Variants in APOL6 observed in about 807,000 individuals in gnomAD.
APOL6 encodes the protein apolipoprotein L6, also known as apolipoprotein L, 6.
In APOL6, 1 loss-of-function variant was observed where a neutral mutation model predicts 2.4. That is an observed-to-expected ratio of 0.41 (90% CI 0.15 to 1.94). APOL6 has a LOEUF of 1.94. Ranked by LOEUF, APOL6 falls within the 30% of genes most tolerant of loss-of-function variation. The probability of loss-of-function intolerance (pLI) is 0.30; values close to 1 mark genes in which losing one functional copy is unlikely to be tolerated. For missense variants in APOL6, 438 were observed against 429.2 expected, an observed-to-expected ratio of 1.02 and a Z score of -0.18; for synonymous variants, 189 against 169.3, an observed-to-expected ratio of 1.12 and a Z score of -0.90.
chr22:35,650,233 GT>G (rs573500115), intron 1 of APOL6, among the ~76,000 whole-genome samples: 16 of 152,124 alleles, frequency 1.1e-4, no homozygotes, highest in Non-Finnish European at 2.4e-4. Flanking sequence ...AGGGGAGAAG[GT>G]TTTTATCTTT....
In APOL6 at chr22:35,668,234, C is replaced by A. The variant is rs946652347; in HGVS notation, c.*8638C>A. The A allele has an allele frequency of 6.6e-6, 1 of 152,110 alleles. No homozygotes were observed. The highest frequency in any genetic ancestry group is 1.5e-5 in the Non-Finnish European group (1 of 68,036). The allele number at this position is 152,110 out of a possible 1,614,324, so 9.4% of individuals were successfully genotyped here. A position where few individuals can be genotyped will look rare whatever the true frequency, so the allele number is the denominator to read the frequency against. On this transcript the variant is annotated 3_prime_UTR_variant, in exon 3 of 3. Coordinates refer to ENST00000409652, the MANE Select transcript of APOL6 (RefSeq NM_030641.4). ...CATCAAGTTGTTTTGCCTTTCTGGA[C>A]AGGACCAATGTATATCTTAAATGTA... is the stretch of plus-strand genomic sequence containing the variant.
Position 35,659,025 on chromosome 22 carries a change from G to A in APOL6, c.461G>A (p.Arg154Lys), listed in dbSNP as rs948862325. ...DILPTYDQED[R>K]EDEEEKADYV... ...CTGCCCACCTACGACCAAGAGGACA[G>A]GGAGGATGAGGAAGAGAAGGCAGAC... The change falls in exon 3 of 3, where the codon AGG becomes AAG. Residue 154 changes from arginine (R) to lysine (K), a missense_variant. Coordinates refer to ENST00000409652, the MANE Select transcript of APOL6 (RefSeq NM_030641.4). 6.2e-7 allele frequency: 1 copy of A among 1,613,946 alleles called. No individual in the cohort carries two copies. Among genetic ancestry groups the A allele is most frequent in the Admixed American group, 1.7e-5 (1 of 60,020 alleles).
rs907747272 is a variant in APOL6, at chr22:35,666,137, C to A, written c.*6541C>A. 3.9e-5 allele frequency: 6 copies of A among 152,124 alleles called. No homozygotes were observed. Among genetic ancestry groups the A allele is most frequent in the Non-Finnish European group, 7.3e-5 (5 of 68,034 alleles). 9.4% of individuals were successfully genotyped at this position (152,124 alleles called of 1,614,324 possible). A position where few individuals can be genotyped will look rare whatever the true frequency, so the allele number is the denominator to read the frequency against. On this transcript the variant is annotated 3_prime_UTR_variant, in exon 3 of 3. Coordinates refer to ENST00000409652, the MANE Select transcript of APOL6 (RefSeq NM_030641.4). ...CTTAGTGTACATTATCAGTAATAAT[C>A]ATAATTGTTATATTAAAATTATTGT...
chr22:35,654,921 G>A (rs1924802776), intron 1 of APOL6, among the ~76,000 whole-genome samples: 1 of 152,094 alleles, frequency 6.6e-6, no homozygotes, highest in African/African-American at 2.4e-5. Context: ...GGAGAATAAA[G>A]GTTAACCACT....
At position 35,658,717 on chromosome 22, in the gene APOL6, A is replaced by G; in HGVS notation, c.153A>G (p.Glu51=). The G allele has an allele frequency of 1.2e-6, 2 of 1,614,214 alleles. No individual in the cohort carries two copies. The highest frequency in any genetic ancestry group is 1.7e-6 in the Non-Finnish European group (2 of 1,180,020). ...IFLREFPRLK[E]DLKGNIDKLR... Reference sequence around the variant, plus strand: ...TGAGAGAATTTCCCAGATTGAAAGAAGATCTGAAAGGGAACATTGACAAGC... The same window carrying G: ...TGAGAGAATTTCCCAGATTGAAAGAGGATCTGAAAGGGAACATTGACAAGC... Residue 51 remains glutamate, a synonymous_variant, in exon 3 of 3, where the codon GAA becomes GAG. Transcript: ENST00000409652.
In APOL6 at chr22:35,658,998, T is replaced by C. The variant is rs1391439199; in HGVS notation, c.434T>C (p.Ile145Thr). Reference protein sequence around the residue: ...NKEAQARAEDILPTYDQEDRE... With the variant: ...NKEAQARAEDTLPTYDQEDRE... ...GAAGCCCAAGCACGGGCGGAAGACATACTGCCCACCTACGACCAAGAGGAC... is the reference window on the plus strand; with the variant it reads ...GAAGCCCAAGCACGGGCGGAAGACACACTGCCCACCTACGACCAAGAGGAC... Residue 145 changes from isoleucine (I) to threonine (T), a missense_variant, in exon 3 of 3, where the codon ATA becomes ACA. Ile to Thr is a moderately conservative substitution (Grantham distance 89). Transcript: ENST00000409652. 1.2e-6 allele frequency: 2 copies of C among 1,613,836 alleles called. No homozygotes were observed. Among genetic ancestry groups the C allele is most frequent in the South Asian group, 1.1e-5 (1 of 91,070 alleles).
Position 35,665,823 on chromosome 22 carries a change from T to A in APOL6, c.*6227T>A, listed in dbSNP as rs1362537203. On this transcript the variant is annotated 3_prime_UTR_variant, in exon 3 of 3. Transcript: ENST00000409652. ...TTGGATTAAATAAATGACTTTACGATGACCTGTAATTTTATTTTGTAATGT... is the reference window on the plus strand; with the variant it reads ...TTGGATTAAATAAATGACTTTACGAAGACCTGTAATTTTATTTTGTAATGT... 1 of 152,252 alleles carries A rather than the reference T, an allele frequency of 6.6e-6. No individual in the cohort carries two copies. Among genetic ancestry groups the A allele is most frequent in the African/African-American group, 2.4e-5 (1 of 41,470 alleles). The allele number at this position is 152,252 out of a possible 1,614,324, so 9.4% of individuals were successfully genotyped here.
Position 35,658,667 on chromosome 22 carries a change from C to A in APOL6, c.103C>A (p.Leu35Met), listed in dbSNP as rs750985299. ...CEDVELQDGD[L>M]SPEEKIFLRE... is the part of the protein sequence containing the mutation. ...AGACGTGGAGCTACAAGACGGAGAT[C>A]TGTCCCCCGAAGAAAAAATATTTTT... The change falls in exon 3 of 3, where the codon CTG becomes ATG. Residue 35 changes from leucine to methionine, a missense_variant. Physicochemically the swap from Leu to Met is conservative, Grantham distance 15 (BLOSUM62 2). Transcript: ENST00000409652. The A allele has an allele frequency of 6.2e-7, 1 of 1,614,050 alleles. No homozygotes were observed. Among genetic ancestry groups the A allele is most frequent in the Admixed American group, 1.7e-5 (1 of 60,026 alleles).
In APOL6 at chr22:35,664,525, C is replaced by T. The variant is rs1925118029; in HGVS notation, c.*4929C>T. 1.3e-5 allele frequency: 2 copies of T among 152,192 alleles called. No homozygotes were observed. Among genetic ancestry groups the T allele is most frequent in the South Asian group, 4.1e-4 (2 of 4,832 alleles). The allele number at this position is 152,192 out of a possible 1,614,324, so 9.4% of individuals were successfully genotyped here. ...TTGGAAGTTAAGAGCAAGGTGGAGT[C>T]AGTTAGGTCAAATCGTTTTTCACTG... On this transcript the variant is annotated 3_prime_UTR_variant, in exon 3 of 3. Transcript: ENST00000409652.
intron 1 of APOL6, among the ~76,000 whole-genome samples, chr22:35,656,122 T>G (rs894843824): frequency 6.6e-6 from 1 of 152,196 alleles, no homozygotes; most frequent in Non-Finnish European, 1.5e-5. Flanking sequence ...TATGCCAAAG[T>G]GGCATATTTT....
intron 2 of APOL6, 78 bp from the exon 3 acceptor site, chr22:35,658,537 T>C (rs767893966): frequency 4.0e-5 from 51 of 1,286,732 alleles, no homozygotes; most frequent in Non-Finnish European, 5.0e-5. Flanking sequence ...AAGCTGAGAG[T>C]GGCAAGAATA....
chr22:35,659,610 CATGGCATACA>C lies in APOL6; in HGVS notation c.*20_*29del. The C allele has an allele frequency of 6.3e-7, 1 of 1,579,986 alleles. No individual in the cohort carries two copies. Among genetic ancestry groups the C allele is most frequent in the Non-Finnish European group, 8.6e-7 (1 of 1,161,508 alleles). On this transcript the variant is annotated 3_prime_UTR_variant, in exon 3 of 3. Coordinates refer to ENST00000409652, the MANE Select transcript of APOL6 (RefSeq NM_030641.4). Reference sequence around the variant, plus strand: ...CAGTTTACATGAATGTTCCTCAGGACATGGCATACAATGGCCTTGGAGGTCCAAATAATAT... The same window carrying C: ...CAGTTTACATGAATGTTCCTCAGGACATGGCCTTGGAGGTCCAAATAATAT...
Position 35,658,935 on chromosome 22 carries a change from G to A in APOL6, c.371G>A (p.Ser124Asn), listed in dbSNP as rs1455427269. Residue 124 changes from serine to asparagine, a missense_variant, in exon 3 of 3, where the codon AGC becomes AAC. Ser to Asn is a conservative substitution (Grantham distance 46). Coordinates refer to ENST00000409652, the MANE Select transcript of APOL6 (RefSeq NM_030641.4). ...TTGGCAACAGCAGCTGGGGTCACCAGCATCGTGAGTGGTACGTTGGAACGC... is the reference window on the plus strand; with the variant it reads ...TTGGCAACAGCAGCTGGGGTCACCAACATCGTGAGTGGTACGTTGGAACGC... ...QGLATAAGVT[S>N]IVSGTLERSK... 1 of 1,614,004 alleles carries A rather than the reference G, an allele frequency of 6.2e-7. No homozygotes were observed. Among genetic ancestry groups the A allele is most frequent in the Admixed American group, 1.7e-5 (1 of 60,022 alleles).
rs1044415974 is a variant in APOL6, at chr22:35,665,747, T to C, written c.*6151T>C. ...TTCTTGTTTAGAAAGTTAAGTCACC[T>C]CTCTCAAAGAATGAAGGTTTTTGCT... On this transcript the variant is annotated 3_prime_UTR_variant, in exon 3 of 3. Transcript: ENST00000409652. The C allele has an allele frequency of 3.9e-5, 6 of 152,222 alleles. No homozygotes were observed. The highest frequency in any genetic ancestry group is 1.4e-4 in the African/African-American group (6 of 41,462). The allele number at this position is 152,222 out of a possible 1,614,324, so 9.4% of individuals were successfully genotyped here.
rs200355715 is a variant in APOL6, at chr22:35,659,753, C to CTGTTTGTT, written c.*183_*190dup. ...CTATGTGCTGGGAAAAGGGTCTTCC[C>CTGTTTGTT]TGTTTGTTTGTTTGTTTGTTTGTTT... is the stretch of plus-strand genomic sequence containing the variant. On this transcript the variant is annotated 3_prime_UTR_variant, in exon 3 of 3. Coordinates refer to ENST00000409652, the MANE Select transcript of APOL6 (RefSeq NM_030641.4). 25,971 of 1,177,538 alleles carry CTGTTTGTT rather than the reference C, an allele frequency of 0.022. 687 individuals carry two copies. Among genetic ancestry groups the CTGTTTGTT allele is most frequent in the East Asian group, 0.11 (4,173 of 38,396 alleles). The allele number at this position is 1,177,538 out of a possible 1,614,324, so 72.9% of individuals were successfully genotyped here.
rs1924914978 is a variant in APOL6 at position 35,658,706 on chromosome 22, A to G, written c.142A>G (p.Arg48Gly). 5 of 1,614,172 alleles carry G rather than the reference A, an allele frequency of 3.1e-6. No homozygotes were observed. In the South Asian group the frequency reaches 4.4e-5, roughly 14 times the overall value. The change falls in exon 3 of 3, where the codon AGA (arginine) becomes GGA (glycine). Residue 48 changes from arginine to glycine, a missense_variant. Arg to Gly is a moderately radical substitution (Grantham distance 125, BLOSUM62 -2). Transcript: ENST00000409652. ...EEKIFLREFP[R>G]LKEDLKGNID... Reference sequence around the variant, plus strand: ...AAAAATATTTTTGAGAGAATTTCCCAGATTGAAAGAAGATCTGAAAGGGAA... The same window carrying G: ...AAAAATATTTTTGAGAGAATTTCCCGGATTGAAAGAAGATCTGAAAGGGAA...
At chr22:35,658,435 A>G (rs891013618) in intron 2 of APOL6, among the ~76,000 whole-genome samples, 180 bp from the exon 3 acceptor site, 1 of 152,022 alleles carries the variant, frequency 6.6e-6, no homozygotes, top group Admixed American at 6.5e-5. Flanking sequence ...TCTTTTTTCC[A>G]TGGAACCAGT....
At chr22:35,657,879 AG>A (rs374154379) in intron 2 of APOL6, among the ~76,000 whole-genome samples, 2 of 152,350 alleles carry the variant, frequency 1.3e-5, no homozygotes, top group Non-Finnish European at 2.9e-5. Flanking sequence ...GGCCTGGCAA[AG>A]ATCCCTTCGT....
chr22:35,655,251 G>T (rs1336604031), intron 1 of APOL6, among the ~76,000 whole-genome samples: 1 of 151,936 alleles, frequency 6.6e-6, no homozygotes, highest in Non-Finnish European at 1.5e-5. Context: ...ATCTGTCTTG[G>T]GTTACAAGGA....
Sources: gnomAD v4.1 joint callset for allele counts (sites outside exome capture counted in the v4.1 genomes callset) on GRCh38, gnomAD v4.1.1 for gene constraint, MANE v1.5 for transcripts, NCBI Gene and HGNC (gene_info 2026-07-23, HGNC 2026-07-21) for gene names.